SFXN5: variants seen among roughly 807,000 people sequenced by gnomAD.
SFXN5 encodes the protein sideroflexin-5.
SFXN5 carries 43 observed loss-of-function variants against 50.2 expected under a neutral mutation model. That is an observed-to-expected ratio of 0.86 (90% CI 0.67 to 1.11). SFXN5 has a LOEUF of 1.11. Among genes scored for constraint, SFXN5 ranks in the 50% least tolerant of loss-of-function variants. The pLI is 0.00. For missense variants in SFXN5, 463 were observed against 454.1 expected (o/e 1.02, Z -0.18); for synonymous variants, 203 against 185.8 (o/e 1.09, Z -0.75).
intron 11 of SFXN5, 152 bp from the exon 12 acceptor site, chr2:72,968,685 C>A: frequency 1.6e-4 from 75 of 481,946 alleles, no homozygotes; most frequent in Non-Finnish European, 1.6e-4. Flanking sequence ...TTCCAAACAA[C>A]AAAAAAAGCC....
At chr2:73,052,359 C>T (rs2421264) in intron 2 of SFXN5, among the ~76,000 whole-genome samples, 90 of 142,448 alleles carry the variant, frequency 6.3e-4, no homozygotes, top group African/African-American at 2.0e-3. Context: ...TGTGTGTATG[C>T]GTGTGTGTGT....
intron 9 of SFXN5, among the ~76,000 whole-genome samples, chr2:72,988,602 T>TAC (rs138657348): frequency 4.9e-4 from 73 of 150,350 alleles, no homozygotes; most frequent in African/African-American, 8.5e-4. Flanking sequence ...ATCAGAGACA[T>TAC]ACACACACAC....
chr2:72,985,772 G>C (rs1276423454), intron 10 of SFXN5, among the ~76,000 whole-genome samples: 2 of 152,194 alleles, frequency 1.3e-5, no homozygotes, highest in African/African-American at 2.4e-5. Flanking sequence ...TGTGTGAGCG[G>C]CTGAAGCCTC....
intron 13 of SFXN5, among the ~76,000 whole-genome samples, chr2:72,959,292 T>C (rs1673444916): frequency 6.6e-6 from 1 of 152,136 alleles, no homozygotes; most frequent in Non-Finnish European, 1.5e-5. Flanking sequence ...CGTGGTCCTC[T>C]GCTCCTCCGT....
At chr2:73,001,600 T>C in intron 6 of SFXN5, 22 bp from the exon 7 acceptor site, 1 of 1,613,472 alleles carries the variant, frequency 6.2e-7, no homozygotes, top group South Asian at 1.1e-5. Flanking sequence ...AGAGAAGAAA[T>C]GCTGAAAAAG....
intron 3 of SFXN5, among the ~76,000 whole-genome samples, chr2:73,031,759 A>G (rs62147732): frequency 0.26 from 39,369 of 152,118 alleles, 5,408 homozygotes; most frequent in East Asian, 0.52. Flanking sequence ...TGATCCCATC[A>G]CCAGGCTGCA....
chr2:72,982,544 G>A (rs958909956), intron 10 of SFXN5, among the ~76,000 whole-genome samples: 4 of 152,228 alleles, frequency 2.6e-5, no homozygotes, highest in Non-Finnish European at 1.5e-5. Flanking sequence ...AGGGGGCTGA[G>A]TGTGGTGGTA....
chr2:73,052,594 A>G (rs1159581062), intron 2 of SFXN5, among the ~76,000 whole-genome samples: 1 of 152,158 alleles, frequency 6.6e-6, no homozygotes. Flanking sequence ...TGTTATTAAT[A>G]CTATTTCAGT....
Position 73,071,606 on chromosome 2 carries a change from G to T in SFXN5, c.100C>A (p.Gln34Lys). The change falls in exon 1 of 14, where the codon CAG (glutamine) becomes AAG (lysine). Residue 34 changes from glutamine to lysine, a missense_variant and splice_region_variant. Gln to Lys is a moderately conservative substitution (Grantham distance 53). Transcript: ENST00000272433. ...PFQLGKPRFQ[Q>K]TSFYGRFRHF... The stretch of plus-strand genomic sequence containing the variant: ...GCAGACCACAGCCCGGTCCTCACCT[G>T]CTGGAAGCGGGGTTTGCCCAGTTGG... The T allele has an allele frequency of 6.2e-7, 1 of 1,613,622 alleles. No individual in the cohort carries two copies. The highest frequency in any genetic ancestry group is 8.5e-7 in the Non-Finnish European group (1 of 1,179,798).
intron 2 of SFXN5, among the ~76,000 whole-genome samples, chr2:73,052,332 GA>G (rs1681438922): frequency 8.0e-6 from 1 of 124,866 alleles, no homozygotes; most frequent in African/African-American, 4.0e-5. Flanking sequence ...GAAAATGTAA[GA>G]GAGAGAGTGT....
chr2:73,037,767 T>G (rs1336905698), intron 3 of SFXN5, among the ~76,000 whole-genome samples: 1 of 152,220 alleles, frequency 6.6e-6, no homozygotes, highest in Non-Finnish European at 1.5e-5. Context: ...ACCTAGAATT[T>G]TCTCCTCAGC....
intron 13 of SFXN5, among the ~76,000 whole-genome samples, chr2:72,958,790 G>A (rs1673384005): frequency 1.3e-5 from 2 of 152,094 alleles, no homozygotes; most frequent in East Asian, 3.9e-4. Flanking sequence ...GGTGAGAGGT[G>A]GGGGAAGGAG....
Position 72,944,806 on chromosome 2 carries a change from G to C in SFXN5, c.*216C>G. On this transcript the variant is annotated 3_prime_UTR_variant, in exon 14 of 14. Coordinates refer to ENST00000272433, the MANE Select transcript of SFXN5 (RefSeq NM_144579.3). ...CCACATAAGGCCCAGAAATGCACTT[G>C]ATTATTTTTTTGTACGAAATGTGTT... 1 of 525,926 alleles carries C rather than the reference G, an allele frequency of 1.9e-6. No individual in the cohort carries two copies. Among genetic ancestry groups the C allele is most frequent in the South Asian group, 2.8e-5 (1 of 35,746 alleles). The allele number at this position is 525,926 out of a possible 1,614,324, so 32.6% of individuals were successfully genotyped here.
At chr2:73,040,755 T>C in intron 3 of SFXN5, 99 bp downstream of exon 3, 2 of 937,922 alleles carry the variant, frequency 2.1e-6, no homozygotes, top group Non-Finnish European at 1.6e-6. Flanking sequence ...AAGTATATGC[T>C]GGACGAAAGA....
intron 6 of SFXN5, among the ~76,000 whole-genome samples, chr2:73,012,269 G>T (rs149741348): frequency 1.1e-3 from 161 of 152,164 alleles, no homozygotes; most frequent in African/African-American, 3.5e-3. Flanking sequence ...TCTACTTTTG[G>T]TTGTATTGTT....
chr2:73,030,119 C>CA (rs917677564), intron 3 of SFXN5, among the ~76,000 whole-genome samples: 35 of 149,636 alleles, frequency 2.3e-4, no homozygotes, highest in East Asian at 3.9e-4. Context: ...AACAAACGAA[C>CA]AAAAAAAAAC....
At chr2:73,063,303 T>A (rs1228703727) in intron 1 of SFXN5, among the ~76,000 whole-genome samples, 3 of 152,050 alleles carry the variant, frequency 2.0e-5, no homozygotes, top group Non-Finnish European at 4.4e-5. Flanking sequence ...GAGACAAACC[T>A]ATAGTCTGAC....
Position 72,971,595 on chromosome 2 carries a change from C to T in SFXN5, c.716G>A (p.Gly239Asp). 3 of 1,613,918 alleles carry T rather than the reference C, an allele frequency of 1.9e-6. No individual in the cohort carries two copies. The highest frequency in any genetic ancestry group is 1.1e-5 in the South Asian group (1 of 91,060). ...GTGTCGGGCTGCGATCTTGGAGGAG[C>T]CCACGAGGTTGCCATCGCTGTCCAG... Reference protein sequence around the residue: ...DVLDSDGNLVGSSKIAARHAL... With the variant: ...DVLDSDGNLVDSSKIAARHAL... The change falls in exon 11 of 14, where the codon GGC becomes GAC. Residue 239 changes from glycine (G) to aspartate (D), a missense_variant. Coordinates refer to ENST00000272433, the MANE Select transcript of SFXN5 (RefSeq NM_144579.3).
intron 10 of SFXN5, chr2:72,981,240 C>T (rs1332840217): frequency 6.6e-6 from 1 of 152,098 alleles, no homozygotes; most frequent in East Asian, 1.9e-4. Context: ...TAAACAGACT[C>T]CTTTGTTCTT....
Sources: gnomAD v4.1 joint callset for allele counts (sites outside exome capture counted in the v4.1 genomes callset) on GRCh38, gnomAD v4.1.1 for gene constraint, MANE v1.5 for transcripts, NCBI Gene and HGNC (gene_info 2026-07-23, HGNC 2026-07-21) for gene names.